Variants in FER1L5 observed in about 807,000 individuals in gnomAD.
The protein encoded by FER1L5 is fer-1 like family member 5, also known as fer-1-like protein 5.
FER1L5 carries 187 observed loss-of-function variants against 279.9 expected under a neutral mutation model. The observed-to-expected ratio is 0.67, with a 90% CI of 0.59 to 0.75. The LOEUF (loss-of-function observed/expected upper bound fraction) is 0.75. FER1L5 is among the 30% of genes least tolerant of loss of function. FER1L5 has a pLI of 0.00. For synonymous variants in FER1L5, 921 were observed against 989.7 expected, an observed-to-expected ratio of 0.93 and a Z score of 1.30; for missense variants, 2,091 against 2,594.4, an observed-to-expected ratio of 0.81 and a Z score of 4.21.
rs1553449027 is a variant in FER1L5, at chr2:96,659,290, T to TTGCCTTCCTTCC, written c.748-1050_748-1049insGCCTTCCTTCCT. Among the ~76,000 whole-genome samples, 28 of 81,028 alleles carry TTGCCTTCCTTCC rather than the reference T, an allele frequency of 3.5e-4. 2 individuals are homozygous for TTGCCTTCCTTCC. Among genetic ancestry groups the TTGCCTTCCTTCC allele is most frequent in the Admixed American group, 7.9e-4 (7 of 8,878 alleles). 53.2% of individuals were successfully genotyped at this position (81,028 alleles called of 152,430 possible). On this transcript the variant is annotated intron_variant, in intron 9 of 52. Coordinates refer to ENST00000624922, the MANE Select transcript of FER1L5 (RefSeq NM_001293083.2). Reference sequence around the variant, plus strand: ...TTTGATGAAGTCCAATTTATCAAGCTTTCCTTCCTTCCTTCCTTCCTTCCT... The same window carrying TTGCCTTCCTTCC: ...TTTGATGAAGTCCAATTTATCAAGCTTGCCTTCCTTCCTTCCTTCCTTCCTTCCTTCCTTCCT...
intron 23 of FER1L5, among the ~76,000 whole-genome samples, chr2:96,687,202 CCT>C (rs2076964516): frequency 6.6e-6 from 1 of 152,216 alleles, no homozygotes; most frequent in African/African-American, 2.4e-5. Flanking sequence ...GCCCCTGGCC[CCT>C]GTTCCTGCAT....
rs564412642 is a variant in FER1L5, at chr2:96,691,876, C to G, written c.3127C>G (p.Pro1043Ala). The change falls in exon 30 of 53, where the codon CCA (proline) becomes GCA (alanine). Residue 1043 changes from proline to alanine, a missense_variant. Pro to Ala is a conservative substitution (Grantham distance 27, BLOSUM62 -1). Coordinates refer to ENST00000624922, the MANE Select transcript of FER1L5 (RefSeq NM_001293083.2). The surrounding 1 kb of genome is among the most constrained non-coding windows in gnomAD (Gnocchi z 6.0). ...AGKEEDSKTW[P>A]WGLDRQFRDP... is the part of the protein sequence containing the mutation. Reference sequence around the variant, plus strand: ...GAAGGAAGAGGACAGCAAGACATGGCCATGGGGTCTGGACAGACAGTTCAG... The same window carrying G: ...GAAGGAAGAGGACAGCAAGACATGGGCATGGGGTCTGGACAGACAGTTCAG... 49 of 1,551,438 alleles carry G rather than the reference C, an allele frequency of 3.2e-5. No homozygotes were observed. The highest frequency in any genetic ancestry group is 4.2e-5 in the Non-Finnish European group (48 of 1,146,994).
chr2:96,689,463 G>A lies in FER1L5; in HGVS notation c.2525+87G>A, dbSNP rs974244490. 14 of 1,522,040 alleles carry A rather than the reference G, an allele frequency of 9.2e-6. No homozygotes were observed. In the Admixed American group the frequency reaches 3.1e-4, roughly 34 times the overall value. 94.3% of individuals were successfully genotyped at this position (1,522,040 alleles called of 1,614,324 possible). On this transcript the variant is annotated intron_variant, in intron 25 of 52. Coordinates refer to ENST00000624922, the MANE Select transcript of FER1L5 (RefSeq NM_001293083.2). This position sits in a 1 kb window ranked among gnomAD's most constrained non-coding sequence, Gnocchi z 4.6. The stretch of plus-strand genomic sequence containing the variant: ...GGCAGCCCAGAAAGATGGGTACCTA[G>A]CCCCTAAGCCTGGTGCCAGAGGGCC...
intron 14 of FER1L5, among the ~76,000 whole-genome samples, chr2:96,667,310 C>T (rs2076158429): frequency 6.6e-6 from 1 of 151,522 alleles, no homozygotes; most frequent in Non-Finnish European, 1.5e-5. Context: ...CCAGGGGCAA[C>T]AGAAACCTCC....
chr2:96,697,091 C>T (rs2077411715), intron 37 of FER1L5, among the ~76,000 whole-genome samples: 2 of 152,180 alleles, frequency 1.3e-5, no homozygotes, highest in South Asian at 4.1e-4. Flanking sequence ...TGAGGTAGGA[C>T]CCAGGCATCA....
chr2:96,693,755 T>C (rs1016870034), intron 32 of FER1L5, 68 bp downstream of exon 32: 10 of 1,501,958 alleles, frequency 6.7e-6, no homozygotes, highest in Non-Finnish European at 8.9e-6. Context: ...GGATTTATTT[T>C]AGATGAAAAT....
intron 19 of FER1L5, among the ~76,000 whole-genome samples, chr2:96,676,864 T>A (rs980337176): frequency 6.6e-6 from 1 of 152,206 alleles, no homozygotes; most frequent in Non-Finnish European, 1.5e-5. Context: ...TACCTTTTTT[T>A]AAATATTTTT....
At chr2:96,653,294 C>A in intron 7 of FER1L5, 1 of 274,300 alleles carries the variant, frequency 3.6e-6, no homozygotes, top group Non-Finnish European at 6.9e-6. Context: ...ATCCCTTACC[C>A]AAAATGCATG....
intron 9 of FER1L5, among the ~76,000 whole-genome samples, chr2:96,659,331 T>G (rs1046077474): frequency 1.0e-4 from 8 of 79,630 alleles, no homozygotes; most frequent in Admixed American, 3.5e-4. Context: ...CCTTCCTTCC[T>G]TCCTTCCTTC....
chr2:96,686,142 C>G, intron 22 of FER1L5, 25 bp downstream of exon 22: 2 of 1,547,070 alleles, frequency 1.3e-6, no homozygotes, highest in Non-Finnish European at 1.7e-6. Flanking sequence ...CACTGGCCTG[C>G]AGCAGGGCTG....
intron 4 of FER1L5, 74 bp from the exon 5 acceptor site, chr2:96,649,549 G>A (rs561496450): frequency 4.8e-6 from 7 of 1,447,290 alleles, no homozygotes; most frequent in Non-Finnish European, 6.6e-6. Flanking sequence ...ACCCAACCAG[G>A]CTGTGCAGGG....
rs938061799 is a variant in FER1L5, at chr2:96,672,933, C to T, written c.1492-144C>T. On this transcript the variant is annotated intron_variant, in intron 18 of 52. Transcript: ENST00000624922. Reference sequence around the variant, plus strand: ...GGAACTGCCCTGGATCAGCAGGGTGCGAGGGAGCCTCTGAAGGCCTTTGAG... The same window carrying T: ...GGAACTGCCCTGGATCAGCAGGGTGTGAGGGAGCCTCTGAAGGCCTTTGAG... 50 of 1,008,124 alleles carry T rather than the reference C, an allele frequency of 5.0e-5. No individual in the cohort carries two copies. In the African/African-American group the frequency reaches 5.5e-4, roughly 11 times the overall value. 62.4% of individuals were successfully genotyped at this position (1,008,124 alleles called of 1,614,324 possible).
intron 17 of FER1L5, 31 bp from the exon 18 acceptor site, chr2:96,670,088 C>G: frequency 6.4e-7 from 1 of 1,550,850 alleles, no homozygotes. Flanking sequence ...TCTCTCACCC[C>G]TTTTCTCCGT....
rs1016631368 is a variant in FER1L5 at position 96,700,235 on chromosome 2, T to C, written c.4931-97T>C. ...AGCAGCCCATCCCTTTCCCCTTCAC[T>C]CCTACCCAGGCTGCGGTCGGGAGGG... On this transcript the variant is annotated intron_variant, in intron 44 of 52. Coordinates refer to ENST00000624922, the MANE Select transcript of FER1L5 (RefSeq NM_001293083.2). 3.2e-6 allele frequency: 5 copies of C among 1,578,530 alleles called. No individual in the cohort carries two copies. In the African/African-American group the frequency reaches 6.7e-5, roughly 21 times the overall value.
In FER1L5 at chr2:96,704,005, G is replaced by A. The variant is rs145066568; in HGVS notation, c.5802-210G>A. On this transcript the variant is annotated intron_variant, in intron 51 of 52. Coordinates refer to ENST00000624922, the MANE Select transcript of FER1L5 (RefSeq NM_001293083.2). Reference sequence around the variant, plus strand: ...TAATTTTTGTATTTTTAGTAGAGACGCGGTTTCACCATGTTGGCCAGGCTG... The same window carrying A: ...TAATTTTTGTATTTTTAGTAGAGACACGGTTTCACCATGTTGGCCAGGCTG... 7.0e-3 allele frequency among the ~76,000 whole-genome samples: 1,067 copies of A among 151,982 alleles called. 8 individuals carry two copies. The highest frequency in any genetic ancestry group is 0.025 in the African/African-American group (1,029 of 41,450).
At chr2:96,659,371 T>TTC in intron 9 of FER1L5, among the ~76,000 whole-genome samples, 5 of 11,816 alleles carry the variant, frequency 4.2e-4, no homozygotes, top group Admixed American at 1.2e-3. Flanking sequence ...CCTTCTTTCT[T>TTC]TCTTTCTTTC....
chr2:96,654,252 T>C (rs548504553), intron 8 of FER1L5, 194 bp from the exon 9 acceptor site: 11 of 383,676 alleles, frequency 2.9e-5, no homozygotes, highest in Middle Eastern at 1.3e-3. Context: ...ATCAGTAAAA[T>C]GGAATTAAAA....
intron 23 of FER1L5, among the ~76,000 whole-genome samples, chr2:96,686,607 C>A (rs2076934252): frequency 1.3e-5 from 2 of 152,126 alleles, no homozygotes; most frequent in African/African-American, 4.8e-5. Flanking sequence ...GTAATCCCAG[C>A]ACTTTGGGAG....
intron 21 of FER1L5, among the ~76,000 whole-genome samples, 199 bp downstream of exon 21, chr2:96,685,628 C>T (rs1049891160): frequency 6.6e-6 from 1 of 152,180 alleles, no homozygotes; most frequent in African/African-American, 2.4e-5. Flanking sequence ...TCAGAATGGT[C>T]CCTGCTACCC....
Sources: gnomAD v4.1 joint callset for allele counts (sites outside exome capture counted in the v4.1 genomes callset) on GRCh38, gnomAD v4.1.1 for gene constraint, Gnocchi (gnomAD v3.1) non-coding constraint, MANE v1.5 for transcripts, NCBI Gene and HGNC (gene_info 2026-07-23, HGNC 2026-07-21) for gene names.